DSC2: variants seen among roughly 807,000 people sequenced by gnomAD.
DSC2 encodes desmocollin 2, also known as desmocollin-2.
In DSC2, 51 loss-of-function variants were observed where a neutral mutation model predicts 87.6. The ratio of observed to expected loss-of-function variants is 0.58; its 90% CI spans 0.46 to 0.74. DSC2 has a LOEUF of 0.74. DSC2 is among the 30% of genes least tolerant of loss of function. DSC2 has a pLI of 0.00. For missense variants in DSC2, 1,066 were observed against 1,089.5 expected, an observed-to-expected ratio of 0.98 and a Z score of 0.30; for synonymous variants, 383 against 393.2, an observed-to-expected ratio of 0.97 and a Z score of 0.31.
chr18:31,098,358 A>AAT (rs1318939742), intron 1 of DSC2, among the ~76,000 whole-genome samples: 2 of 152,140 alleles, frequency 1.3e-5, no homozygotes, highest in African/African-American at 2.4e-5. Context: ...TCTTTACACC[A>AAT]ATATATATAT....
intron 11 of DSC2, among the ~76,000 whole-genome samples, chr18:31,077,348 T>C (rs1232718011): frequency 1.3e-5 from 2 of 152,250 alleles, no homozygotes; most frequent in Non-Finnish European, 2.9e-5. Flanking sequence ...GCTGGTTGTC[T>C]TGAACATTTG....
intron 14 of DSC2, among the ~76,000 whole-genome samples, chr18:31,069,810 C>A (rs1257339832): frequency 1.3e-5 from 2 of 151,864 alleles, no homozygotes; most frequent in Admixed American, 1.3e-4. Context: ...TGTTGTCTCA[C>A]ATATACTTAC....
chr18:31,100,741 C>G (rs1303305149), intron 1 of DSC2, among the ~76,000 whole-genome samples: 1 of 152,210 alleles, frequency 6.6e-6, no homozygotes, highest in African/African-American at 2.4e-5. Flanking sequence ...AAGGAATTAG[C>G]CTTCCGGGTT....
intron 4 of DSC2, among the ~76,000 whole-genome samples, 156 bp downstream of exon 4, chr18:31,090,872 G>T (rs1206291670): frequency 6.6e-6 from 1 of 152,176 alleles, no homozygotes; most frequent in Non-Finnish European, 1.5e-5. Context: ...CAAGTATAAA[G>T]AGATATATTT....
chr18:31,078,429 T>C (rs1987092698), intron 11 of DSC2, among the ~76,000 whole-genome samples: 1 of 152,160 alleles, frequency 6.6e-6, no homozygotes, highest in Non-Finnish European at 1.5e-5. Context: ...ATTTGATCTC[T>C]CAATCACTTA....
intron 11 of DSC2, 86 bp downstream of exon 11, chr18:31,079,761 A>C: frequency 6.6e-7 from 1 of 1,521,810 alleles, no homozygotes; most frequent in Non-Finnish European, 9.1e-7. Context: ...GCATGTATCC[A>C]GCTTTAAAAT....
At chr18:31,095,788 G>C (rs1987743286) in intron 1 of DSC2, among the ~76,000 whole-genome samples, 1 of 152,070 alleles carries the variant, frequency 6.6e-6, no homozygotes, top group African/African-American at 2.4e-5. Context: ...GGGAAGTACA[G>C]GGAGCTATGG....
intron 11 of DSC2, among the ~76,000 whole-genome samples, chr18:31,076,546 G>A (rs1987022332): frequency 6.6e-6 from 1 of 152,096 alleles, no homozygotes; most frequent in East Asian, 1.9e-4. Context: ...AATCTTCAAA[G>A]ACATAAAGAG....
chr18:31,091,404 C>A, intron 3 of DSC2: 1 of 575,002 alleles, frequency 1.7e-6, no homozygotes, highest in South Asian at 1.6e-5. Context: ...AACTGGAAGC[C>A]TAGAAGCAAA....
In DSC2 at chr18:31,071,934, T is replaced by G. The variant is rs57830743; in HGVS notation, c.1889-93A>C. The G allele has an allele frequency of 1.0e-4, 115 of 1,132,930 alleles. 1 individual carries two copies. In the African/African-American group the frequency reaches 1.5e-3, roughly 15 times the overall value. The allele number at this position is 1,132,930 out of a possible 1,614,324, so 70.2% of individuals were successfully genotyped here. ...TCATTATCAGATAGTTATATTTTCCTAGAAACAGATATTCCTGATGGGATG... is the reference window on the plus strand; with the variant it reads ...TCATTATCAGATAGTTATATTTTCCGAGAAACAGATATTCCTGATGGGATG... On this transcript the variant is annotated intron_variant, in intron 12 of 15. Transcript: ENST00000280904.
chr18:31,083,262 C>T (rs1372901840), intron 7 of DSC2, among the ~76,000 whole-genome samples: 3 of 152,160 alleles, frequency 2.0e-5, no homozygotes, highest in Non-Finnish European at 2.9e-5. Context: ...GAGACGAAGT[C>T]TCGCTCTGTT....
At chr18:31,092,872 T>C (rs1987647218) in intron 2 of DSC2, among the ~76,000 whole-genome samples, 1 of 152,158 alleles carries the variant, frequency 6.6e-6, no homozygotes, top group Non-Finnish European at 1.5e-5. Flanking sequence ...TCAGTACTAT[T>C]TCTCAATTTT....
rs1425851133 is a variant in DSC2 at position 31,068,897 on chromosome 18, A to T, written c.2505T>A (p.Gly835=). The T allele has an allele frequency of 6.2e-7, 1 of 1,613,180 alleles. No homozygotes were observed. The highest frequency in any genetic ancestry group is 8.5e-7 in the Non-Finnish European group (1 of 1,180,010). ...TAGGCCACTTAGGAAAACTCACTTC[A>T]CCAAGACGGGGCTGAGTAAAACTGT... The part of the protein sequence containing the change: ...EWHSFTQPRL[G]EKVYLCNQDE... Residue 835 remains glycine (G), a synonymous_variant, in exon 15 of 16, where the codon GGT becomes GGA. Coordinates refer to ENST00000280904, the MANE Select transcript of DSC2 (RefSeq NM_024422.6).
intron 8 of DSC2, among the ~76,000 whole-genome samples, chr18:31,082,706 T>A (rs1337182099): frequency 2.0e-5 from 3 of 152,054 alleles, no homozygotes; most frequent in Non-Finnish European, 2.9e-5. Flanking sequence ...TACAGGTGCC[T>A]GTCACCATGC....
rs950590375 is a variant in DSC2 at position 31,065,964 on chromosome 18, T to A, written c.*2051A>T. 2 of 152,220 alleles carry A rather than the reference T, an allele frequency of 1.3e-5. No homozygotes were observed. Among genetic ancestry groups the A allele is most frequent in the Non-Finnish European group, 2.9e-5 (2 of 68,026 alleles). The allele number at this position is 152,220 out of a possible 1,614,324, so 9.4% of individuals were successfully genotyped here. A position where few individuals can be genotyped will look rare whatever the true frequency, so the allele number is the denominator to read the frequency against. On this transcript the variant is annotated 3_prime_UTR_variant, in exon 16 of 16. Coordinates refer to ENST00000280904, the MANE Select transcript of DSC2 (RefSeq NM_024422.6). Reference sequence around the variant, plus strand: ...GACCTTTTGTTAACATGAAATGAATTGTACATGTGACTTGTTTAAAATCAT... The same window carrying A: ...GACCTTTTGTTAACATGAAATGAATAGTACATGTGACTTGTTTAAAATCAT...
rs1021990449 is a variant in DSC2 at position 31,079,857 on chromosome 18, T to C, written c.1653A>G (p.Ala551=). 3 of 1,613,988 alleles carry C rather than the reference T, an allele frequency of 1.9e-6. No individual in the cohort carries two copies. The highest frequency in any genetic ancestry group is 2.5e-6 in the Non-Finnish European group (3 of 1,179,932). ...AAGACAAATTCTTACCTTGGTCTGATGCAAGGACTGTAATATTATATATGC... is the reference window on the plus strand; with the variant it reads ...AAGACAAATTCTTACCTTGGTCTGACGCAAGGACTGTAATATTATATATGC... ...KNGIYNITVL[A]SDQGGRTCTG... is the part of the protein sequence containing the mutation. The change falls in exon 11 of 16, where the codon GCA becomes GCG. Residue 551 remains alanine, a synonymous_variant. Coordinates refer to ENST00000280904, the MANE Select transcript of DSC2 (RefSeq NM_024422.6).
At chr18:31,099,348 G>C (rs1406335359) in intron 1 of DSC2, among the ~76,000 whole-genome samples, 1 of 152,144 alleles carries the variant, frequency 6.6e-6, no homozygotes, top group Non-Finnish European at 1.5e-5. Flanking sequence ...CCAGGTGACG[G>C]AGGTTAGGGG....
Position 31,071,740 on chromosome 18 carries a change from A to G in DSC2, c.1990T>C (p.Leu664=), listed in dbSNP as rs747173696. The G allele has an allele frequency of 1.6e-5, 26 of 1,613,854 alleles. No individual in the cohort carries two copies. Among genetic ancestry groups the G allele is most frequent in the African/African-American group, 2.7e-5 (2 of 74,938 alleles). Residue 664 remains leucine, a synonymous_variant, in exon 13 of 16, where the codon TTG becomes CTG. Transcript: ENST00000280904. ...DRLGMSSVTS[L]DVTLCDCITE... ...ATGCAGTCACACAGTGTAACATCCA[A>G]TGAAGTGACACTAGACATGCCAAGT... is the stretch of plus-strand genomic sequence containing the variant.
intron 1 of DSC2, among the ~76,000 whole-genome samples, chr18:31,096,469 T>G (rs1157461591): frequency 6.6e-6 from 1 of 152,148 alleles, no homozygotes; most frequent in Non-Finnish European, 1.5e-5. Context: ...CACATTAATC[T>G]GGGACCCAAA....
Sources: gnomAD v4.1 joint callset for allele counts (sites outside exome capture counted in the v4.1 genomes callset) on GRCh38, gnomAD v4.1.1 for gene constraint, MANE v1.5 for transcripts, NCBI Gene and HGNC (gene_info 2026-07-23, HGNC 2026-07-21) for gene names.